SLC4A5: variants seen among roughly 807,000 people sequenced by gnomAD.
The protein encoded by SLC4A5 is electrogenic sodium bicarbonate cotransporter 4.
In SLC4A5, 96 loss-of-function variants were observed where a neutral mutation model predicts 120.4. That is an observed-to-expected ratio of 0.80 (90% CI 0.68 to 0.94). The LOEUF (loss-of-function observed/expected upper bound fraction) is 0.94. Among genes scored for constraint, SLC4A5 ranks in the 40% least tolerant of loss-of-function variants. The pLI is 0.00. For missense variants in SLC4A5, 1,259 were observed against 1,459.5 expected (o/e 0.86, Z 2.24); for synonymous variants, 550 against 571.1 (o/e 0.96, Z 0.53).
At chr2:74,223,479 C>G (rs1485320097) in intron 28 of SLC4A5, among the ~76,000 whole-genome samples, 3 of 152,168 alleles carry the variant, frequency 2.0e-5, no homozygotes, top group Non-Finnish European at 4.4e-5. Context: ...CGGAACTCTT[C>G]CAGGAATGTT....
chr2:74,217,606 C>A (rs1291429057), exon 31 of SLC4A5: 2 of 152,154 alleles, frequency 1.3e-5, no homozygotes, highest in Non-Finnish European at 2.9e-5. Context: ...TATGAAAAAC[C>A]AGTGATACTA....
At chr2:74,314,837 A>G in intron 6 of SLC4A5, 108 bp downstream of exon 6, 2 of 1,016,140 alleles carry the variant, frequency 2.0e-6, no homozygotes, top group Non-Finnish European at 3.1e-6. Context: ...TGAGTCAGGA[A>G]AAGGGACCTG....
intron 3 of SLC4A5, among the ~76,000 whole-genome samples, chr2:74,338,358 GCAC>G (rs774627680): frequency 1.3e-4 from 20 of 152,066 alleles, no homozygotes; most frequent in Non-Finnish European, 2.1e-4. Flanking sequence ...ATGCAAATCA[GCAC>G]CACAATGAAA....
chr2:74,275,023 C>T (rs1308822403), intron 8 of SLC4A5, among the ~76,000 whole-genome samples: 5 of 152,214 alleles, frequency 3.3e-5, no homozygotes, highest in Admixed American at 3.3e-4. Context: ...CCCACTTCCT[C>T]CCATGGCTGA....
rs1672336404 is a variant in SLC4A5 at position 74,296,642 on chromosome 2, A to T, written c.271+7847T>A. On this transcript the variant is annotated intron_variant, in intron 7 of 30. Coordinates refer to ENST00000394019, the Ensembl canonical transcript of SLC4A5. ...AAAAAAAAAAAAAAAAAAAAAAATT[A>T]GCTAGGTGTGGTGGCACATGCCTGT... Among the ~76,000 whole-genome samples, 3 of 146,184 alleles carry T rather than the reference A, an allele frequency of 2.1e-5. No homozygotes were observed. In the East Asian group the frequency reaches 6.0e-4, roughly 29 times the overall value.
chr2:74,306,748 CATT>C, intron 6 of SLC4A5: 1 of 1,159,460 alleles, frequency 8.6e-7, no homozygotes, highest in East Asian at 3.5e-5. Flanking sequence ...ACTTTGGTGT[CATT>C]ATTCTCAGAC....
At chr2:74,285,673 G>T (rs3771730) in intron 8 of SLC4A5, 100 bp downstream of exon 8, 1 of 1,418,434 alleles carries the variant, frequency 7.1e-7, no homozygotes, top group Non-Finnish European at 9.5e-7. Flanking sequence ...GGACCAGGAA[G>T]CTCTCAAGGT....
rs1672145958 is a variant in SLC4A5, at chr2:74,290,889, G to T, written c.272-4987C>A. 2.0e-5 allele frequency among the ~76,000 whole-genome samples: 3 copies of T among 152,090 alleles called. No individual in the cohort carries two copies. In the South Asian group the frequency reaches 6.2e-4, roughly 32 times the overall value. On this transcript the variant is annotated intron_variant, in intron 7 of 30. Transcript: ENST00000394019. ...AGGAGAGCCCAGGATCCTCTCTGCAGGCCCCTTTATAAAGGCAGGGGTAGG... is the reference window on the plus strand; with the variant it reads ...AGGAGAGCCCAGGATCCTCTCTGCATGCCCCTTTATAAAGGCAGGGGTAGG...
chr2:74,262,180 C>T (rs770987013), exon 11 of SLC4A5: 2 of 1,613,884 alleles, frequency 1.2e-6, no homozygotes, highest in African/African-American at 1.3e-5. Flanking sequence ...GCAGGTCTTC[C>T]GTGGAGTGGT....
intron 6 of SLC4A5, among the ~76,000 whole-genome samples, chr2:74,310,600 T>C (rs1317743996): frequency 6.6e-6 from 1 of 152,188 alleles, no homozygotes; most frequent in African/African-American, 2.4e-5. Flanking sequence ...TGATGAATTA[T>C]CTTAATTGAC....
intron 7 of SLC4A5, among the ~76,000 whole-genome samples, chr2:74,297,802 G>A (rs1329890663): frequency 6.6e-6 from 1 of 152,132 alleles, no homozygotes; most frequent in Admixed American, 6.5e-5. Context: ...ATTCACATTG[G>A]GGGAAGGTGT....
intron 6 of SLC4A5, among the ~76,000 whole-genome samples, chr2:74,310,160 G>T (rs560631319): frequency 3.3e-4 from 51 of 152,246 alleles, no homozygotes; most frequent in South Asian, 1.0e-3. Context: ...TACATCCTGA[G>T]ACCTTGTTAC....
At chr2:74,227,222 CAGAG>C in intron 26 of SLC4A5, 92 bp from the exon 27 acceptor site, 1 of 1,406,118 alleles carries the variant, frequency 7.1e-7, no homozygotes, top group Non-Finnish European at 9.6e-7. Flanking sequence ...GGTGGGGTCT[CAGAG>C]AGGGGAAGCC....
chr2:74,315,674 TGCTAA>T lies in SLC4A5; in HGVS notation c.-2-654_-2-650del, dbSNP rs1672946173. On this transcript the variant is annotated intron_variant, in intron 5 of 30. Coordinates refer to ENST00000394019, the Ensembl canonical transcript of SLC4A5. ...CGCCAGGTGTGATGGTGTGCTGTAGTGCTAAGCTACTTGGGAGGCTGAGGCGGGAG... is the reference window on the plus strand; with the variant it reads ...CGCCAGGTGTGATGGTGTGCTGTAGTGCTACTTGGGAGGCTGAGGCGGGAG... Among the ~76,000 whole-genome samples the T allele has an allele frequency of 3.3e-5, 5 of 150,754 alleles. No homozygotes were observed. The South Asian group carries it at 1.1e-3, about 32-fold the overall frequency.
rs750270575 is a variant in SLC4A5 at position 74,253,078 on chromosome 2, T to C, written c.1164A>G (p.Ala388=). The stretch of plus-strand genomic sequence containing the variant: ...CCTCATCCAGAAATTCATCAATTCC[T>C]GCGATCAGATCTTCCCGATTGCGGG... The change falls in exon 15 of 31, where the codon GCA becomes GCG. Residue 388 remains alanine, a synonymous_variant. Transcript: ENST00000394019. 11 of 1,614,166 alleles carry C rather than the reference T, an allele frequency of 6.8e-6. No homozygotes were observed. In the Admixed American group the frequency reaches 1.7e-4, roughly 24 times the overall value.
chr2:74,254,769 G>A, intron 13 of SLC4A5, 63 bp from the exon 14 acceptor site: 2 of 1,226,080 alleles, frequency 1.6e-6, no homozygotes, highest in Middle Eastern at 1.9e-4. Context: ...AAGTGAGAAG[G>A]AAAAACAGAA....
chr2:74,337,250 C>T (rs960878560), intron 3 of SLC4A5, among the ~76,000 whole-genome samples: 2 of 152,138 alleles, frequency 1.3e-5, no homozygotes, highest in African/African-American at 4.8e-5. Context: ...CCCAGGCAAG[C>T]TCCCTGAGTG....
In SLC4A5 at chr2:74,254,662, T is replaced by A. The variant is rs770886719; in HGVS notation, c.1070A>T (p.Tyr357Phe). 6 of 1,614,094 alleles carry A rather than the reference T, an allele frequency of 3.7e-6. No homozygotes were observed. The South Asian group carries it at 6.6e-5, about 18-fold the overall frequency. Residue 357 changes from tyrosine (Y) to phenylalanine (F), a missense_variant, in exon 14 of 31, where the codon TAC becomes TTC. Transcript: ENST00000394019. ...TGCAATGGCACGGCCAATTTCATTG[T>A]AGGATTTTGCTCTCCCAGAAGGTCC...
chr2:74,243,485 G>A (rs1338730491), intron 19 of SLC4A5, among the ~76,000 whole-genome samples: 1 of 152,218 alleles, frequency 6.6e-6, no homozygotes, highest in Non-Finnish European at 1.5e-5. Flanking sequence ...GGATTGTTCT[G>A]AGGAAGGCTT....
Sources: gnomAD v4.1 joint callset for allele counts (sites outside exome capture counted in the v4.1 genomes callset) on GRCh38, gnomAD v4.1.1 for gene constraint, MANE v1.5 for transcripts, NCBI Gene and HGNC (gene_info 2026-07-23, HGNC 2026-07-21) for gene names.